Variants in NCAM2 observed in about 807,000 individuals in gnomAD.
The protein encoded by NCAM2 is N-CAM-2.
In NCAM2, 30 loss-of-function variants were observed where a neutral mutation model predicts 98.1. The observed-to-expected ratio is 0.31, with a 90% confidence interval of 0.23 to 0.41. NCAM2 has a LOEUF of 0.41. NCAM2 is among the 10% of genes least tolerant of loss of function. The pLI is 1.00. For missense variants in NCAM2, 867 were observed against 1,005.8 expected, an observed-to-expected ratio of 0.86 and a Z score of 1.87; for synonymous variants, 368 against 342.4, an observed-to-expected ratio of 1.07 and a Z score of -0.83.
chr21:21,466,972 C>G (rs1032284710), intron 13 of NCAM2, among the ~76,000 whole-genome samples: 1 of 151,894 alleles, frequency 6.6e-6, no homozygotes, highest in African/African-American at 2.4e-5. Flanking sequence ...GGAAATTGTC[C>G]TTATTGCAAA....
rs2064192249 is a variant in NCAM2, at chr21:21,010,638, G to A, written c.55+12020G>A. On this transcript the variant is annotated intron_variant, in intron 1 of 17. Transcript: ENST00000400546. ...TCAAAGGATTAAACTATTGACTATG[G>A]GAGGAAAGAGGACTTTGTGATTAGT... is the stretch of plus-strand genomic sequence containing the variant. 3.9e-5 allele frequency among the ~76,000 whole-genome samples: 6 copies of A among 152,118 alleles called. No homozygotes were observed. The South Asian group carries it at 8.3e-4, about 21-fold the overall frequency.
chr21:21,070,271 A>G (rs746691747), intron 1 of NCAM2, among the ~76,000 whole-genome samples: 1 of 149,092 alleles, frequency 6.7e-6, no homozygotes, highest in African/African-American at 2.4e-5. Flanking sequence ...CATAGTGTAT[A>G]TATATATATA....
intron 1 of NCAM2, among the ~76,000 whole-genome samples, chr21:21,179,176 T>C (rs2068390775): frequency 6.6e-6 from 1 of 152,190 alleles, no homozygotes; most frequent in African/African-American, 2.4e-5. Flanking sequence ...TAAGATTCAT[T>C]CTAATGAATG....
chr21:21,527,023 A>T (rs1372680567), intron 16 of NCAM2, among the ~76,000 whole-genome samples: 1 of 152,222 alleles, frequency 6.6e-6, no homozygotes, highest in African/African-American at 2.4e-5. Context: ...TAAAACTACT[A>T]GAATAAAACA....
intron 1 of NCAM2, among the ~76,000 whole-genome samples, chr21:21,046,501 T>C (rs991180924): frequency 6.6e-6 from 1 of 152,214 alleles, no homozygotes; most frequent in Non-Finnish European, 1.5e-5. Context: ...AACATTTGTT[T>C]TTCTTTTAAA....
chr21:21,206,014 T>A (rs563237498), intron 1 of NCAM2, among the ~76,000 whole-genome samples: 19 of 152,262 alleles, frequency 1.2e-4, no homozygotes, highest in Admixed American at 7.2e-4. Context: ...ATATATGACA[T>A]TTAAGGGGAC....
chr21:21,338,117 A>G (rs920509533), intron 7 of NCAM2, among the ~76,000 whole-genome samples: 1 of 152,142 alleles, frequency 6.6e-6, no homozygotes, highest in Admixed American at 6.6e-5. Flanking sequence ...AATTGGCAGA[A>G]TTTTGAAACA....
chr21:21,422,427 C>A (rs977894282), intron 11 of NCAM2, among the ~76,000 whole-genome samples: 1 of 152,030 alleles, frequency 6.6e-6, no homozygotes, highest in Non-Finnish European at 1.5e-5. Context: ...TGTAAGAAAA[C>A]CCCCTACACC....
At chr21:21,525,502 A>G (rs1322449409) in intron 16 of NCAM2, among the ~76,000 whole-genome samples, 1 of 152,164 alleles carries the variant, frequency 6.6e-6, no homozygotes, top group Non-Finnish European at 1.5e-5. Context: ...TATATCCATC[A>G]AACAAATTGA....
chr21:21,419,824 C>T lies in NCAM2; in HGVS notation c.1480+1255C>T, dbSNP rs544758270. 9.2e-5 allele frequency among the ~76,000 whole-genome samples: 14 copies of T among 152,140 alleles called. No homozygotes were observed. In the East Asian group the frequency reaches 1.6e-3, roughly 17 times the overall value. Reference sequence around the variant, plus strand: ...TGAATAGTGCCGCGATAAACATACGCGTGCATGTGTCTTTATAGCAGCATG... The same window carrying T: ...TGAATAGTGCCGCGATAAACATACGTGTGCATGTGTCTTTATAGCAGCATG... On this transcript the variant is annotated intron_variant, in intron 11 of 17. Transcript: ENST00000400546.
At chr21:21,154,927 T>C (rs894300793) in intron 1 of NCAM2, among the ~76,000 whole-genome samples, 11 of 151,480 alleles carry the variant, frequency 7.3e-5, no homozygotes, top group Non-Finnish European at 8.9e-5. Context: ...TGGCAGGGAG[T>C]GGGCTTTTGC....
chr21:21,065,131 G>A (rs1248241034), intron 1 of NCAM2, among the ~76,000 whole-genome samples: 1 of 150,778 alleles, frequency 6.6e-6, no homozygotes, highest in African/African-American at 2.4e-5. Context: ...AGTGAGCCGA[G>A]ATCACACCAC....
chr21:21,198,409 A>G (rs1468722168), intron 1 of NCAM2, among the ~76,000 whole-genome samples: 1 of 152,156 alleles, frequency 6.6e-6, no homozygotes, highest in Non-Finnish European at 1.5e-5. Context: ...AATGTACTTT[A>G]CTGGAAAGAA....
At chr21:21,316,201 A>T (rs193210368) in intron 5 of NCAM2, among the ~76,000 whole-genome samples, 351 of 152,258 alleles carry the variant, frequency 2.3e-3, no homozygotes, top group African/African-American at 8.1e-3. Context: ...AGTAGTTCCA[A>T]TTATTTCTTT....
At chr21:21,423,992 C>T (rs1261104595) in intron 11 of NCAM2, among the ~76,000 whole-genome samples, 6 of 152,084 alleles carry the variant, frequency 3.9e-5, no homozygotes, top group African/African-American at 1.2e-4. Context: ...TTAGCCAGAC[C>T]TTTGCTCCAT....
chr21:21,368,303 C>T (rs2075834970), intron 8 of NCAM2, among the ~76,000 whole-genome samples: 1 of 151,778 alleles, frequency 6.6e-6, no homozygotes, highest in Admixed American at 6.6e-5. Flanking sequence ...AACACTTTCT[C>T]ATTTGGTCAT....
intron 17 of NCAM2, among the ~76,000 whole-genome samples, chr21:21,537,441 T>G (rs1990041349): frequency 6.6e-6 from 1 of 152,186 alleles, no homozygotes; most frequent in Admixed American, 6.5e-5. Flanking sequence ...CATTGACATT[T>G]AAAAATATTT....
At chr21:21,146,553 ATATG>A (rs61322151) in intron 1 of NCAM2, among the ~76,000 whole-genome samples, 10,578 of 56,444 alleles carry the variant, frequency 0.19, 554 homozygotes, top group African/African-American at 0.2. Flanking sequence ...CAGGATATAT[ATATG>A]TATATATATA....
chr21:21,469,434 C>A (rs955659661), intron 14 of NCAM2, among the ~76,000 whole-genome samples: 1 of 151,936 alleles, frequency 6.6e-6, no homozygotes, highest in Non-Finnish European at 1.5e-5. Context: ...AAAATAATTT[C>A]TTCAACATTT....
Sources: allele counts gnomAD v4.1 joint callset (sites outside exome capture counted in the v4.1 genomes callset), GRCh38; gene constraint gnomAD v4.1.1; transcripts MANE v1.5; gene names NCBI Gene and HGNC (gene_info 2026-07-23, HGNC 2026-07-21).